TTC8: variants seen among roughly 807,000 people sequenced by gnomAD.
TTC8 encodes tetratricopeptide repeat protein 8.
TTC8 carries 47 observed loss-of-function variants against 72.5 expected under a neutral mutation model. The observed-to-expected ratio is 0.65, with a 90% CI of 0.51 to 0.83. The LOEUF is 0.83. Among genes scored for constraint, TTC8 ranks in the 40% least tolerant of loss-of-function variants. TTC8 has a pLI of 0.00. For missense variants in TTC8, 611 were observed against 623.2 expected (o/e 0.98, Z 0.21); for synonymous variants, 199 against 221.4 (o/e 0.90, Z 0.90).
chr14:88,846,601 CATCTTG>C, intron 7 of TTC8: 3 of 1,432,682 alleles, frequency 2.1e-6, no homozygotes, highest in Non-Finnish European at 2.8e-6. Context: ...TTAATAGATT[CATCTTG>C]AAGATGTAGT....
At chr14:88,876,362 C>A (rs1330770907) in intron 14 of TTC8, among the ~76,000 whole-genome samples, 1 of 152,116 alleles carries the variant, frequency 6.6e-6, no homozygotes, top group East Asian at 1.9e-4. Context: ...TGTATTGTTA[C>A]CAGAAATCTA....
Position 88,875,049 on chromosome 14 carries a change from A to G in TTC8, c.1371A>G (p.Ala457=). 1 of 1,612,828 alleles carries G rather than the reference A, an allele frequency of 6.2e-7. No homozygotes were observed. The highest frequency in any genetic ancestry group is 8.5e-7 in the Non-Finnish European group (1 of 1,179,598). The change falls in exon 14 of 15, where the codon GCA becomes GCG. Residue 457 remains alanine, a synonymous_variant. Transcript: ENST00000380656. ...AGGCAAGGGCACTATTACAAACTGCATCATCATTAGCACCCCATATGTATG... is the reference window on the plus strand; with the variant it reads ...AGGCAAGGGCACTATTACAAACTGCGTCATCATTAGCACCCCATATGTATG... ...VEQARALLQT[A]SSLAPHMYEP...
intron 2 of TTC8, among the ~76,000 whole-genome samples, chr14:88,836,456 A>AT (rs1378229124): frequency 1.3e-5 from 2 of 150,950 alleles, no homozygotes; most frequent in Non-Finnish European, 2.9e-5. Flanking sequence ...GCACCACTAC[A>AT]TTCCAGCCTG....
intron 10 of TTC8, among the ~76,000 whole-genome samples, chr14:88,861,611 CT>C (rs1356099377): frequency 6.6e-6 from 1 of 152,034 alleles, no homozygotes; most frequent in African/African-American, 2.4e-5. Context: ...TTTTGTACCC[CT>C]TAACCAACTT....
intron 1 of TTC8, among the ~76,000 whole-genome samples, chr14:88,825,431 G>C (rs764471205): frequency 3.9e-5 from 6 of 152,184 alleles, no homozygotes; most frequent in Non-Finnish European, 5.9e-5. Flanking sequence ...TTGTAGGAGG[G>C]AGAAATGGGA....
rs1203683732 is a variant in TTC8, at chr14:88,871,851, A to G, written c.1224+128A>G. ...AGGATTGCTTGAGCCCAGGAGTTTGAGACCACCCTGGGCAACATAGTGGGA... is the reference window on the plus strand; with the variant it reads ...AGGATTGCTTGAGCCCAGGAGTTTGGGACCACCCTGGGCAACATAGTGGGA... On this transcript the variant is annotated intron_variant, in intron 12 of 14. Transcript: ENST00000380656. This position sits in a 1 kb window ranked among gnomAD's most constrained non-coding sequence, Gnocchi z 4.1. 9.4e-7 allele frequency: 1 copy of G among 1,069,030 alleles called. No individual in the cohort carries two copies. The highest frequency in any genetic ancestry group is 1.4e-6 in the Non-Finnish European group (1 of 704,048). 66.2% of individuals were successfully genotyped at this position (1,069,030 alleles called of 1,614,324 possible). A position where few individuals can be genotyped will look rare whatever the true frequency, so the allele number is the denominator to read the frequency against.
Position 88,871,146 on chromosome 14 carries a change from G to A in TTC8, c.1050-403G>A, listed in dbSNP as rs1190870650. On this transcript the variant is annotated intron_variant, in intron 11 of 14. Transcript: ENST00000380656. This position sits in a 1 kb window ranked among gnomAD's most constrained non-coding sequence, Gnocchi z 4.1. The stretch of plus-strand genomic sequence containing the variant: ...AGCCAAAAACGGGATCCAGTCAGCT[G>A]AAAACGTAGAGGTTAATGCTAAACG... Among the ~76,000 whole-genome samples, 1 of 152,230 alleles carries A rather than the reference G, an allele frequency of 6.6e-6. No individual in the cohort carries two copies. The highest frequency in any genetic ancestry group is 2.4e-5 in the African/African-American group (1 of 41,464).
rs571571526 is a variant in TTC8, at chr14:88,877,404, G to A, written c.1542G>A (p.Met514Ile). The change falls in exon 15 of 15, where the codon ATG (methionine) becomes ATA (isoleucine). Residue 514 changes from methionine to isoleucine, a missense_variant. Physicochemically the swap from Met to Ile is conservative, Grantham distance 10 (BLOSUM62 1). Transcript: ENST00000380656. The part of the protein sequence containing the change: ...LIKQLRQHFA[M>I]L ...AACAATTAAGGCAGCATTTTGCTAT[G>A]CTCTGATTGTTCCTTAGACCACATA... is the stretch of plus-strand genomic sequence containing the variant. 2.4e-5 allele frequency: 39 copies of A among 1,612,650 alleles called. No homozygotes were observed. Among genetic ancestry groups the A allele is most frequent in the Non-Finnish European group, 3.1e-5 (37 of 1,178,796 alleles).
chr14:88,837,100 A>G (rs916654020), intron 2 of TTC8: 21 of 236,412 alleles, frequency 8.9e-5, no homozygotes, highest in African/African-American at 5.0e-4. Flanking sequence ...AACTTGATTT[A>G]GGTAGGACTC....
intron 10 of TTC8, among the ~76,000 whole-genome samples, chr14:88,867,894 G>T (rs2094918157): frequency 1.3e-5 from 2 of 152,124 alleles, no homozygotes; most frequent in Non-Finnish European, 1.5e-5. Flanking sequence ...CTTTGAAAAA[G>T]AATTTCAAAT....
intron 14 of TTC8, 38 bp downstream of exon 14, chr14:88,875,147 T>C: frequency 6.6e-7 from 1 of 1,515,586 alleles, no homozygotes. Context: ...TCTGATCTGT[T>C]CTTTTTTTTT....
At chr14:88,843,456 C>G (rs1006026092) in intron 6 of TTC8, among the ~76,000 whole-genome samples, 4 of 152,042 alleles carry the variant, frequency 2.6e-5, no homozygotes, top group Non-Finnish European at 4.4e-5. Flanking sequence ...TTTTTTATGT[C>G]TAAATTATCA....
At chr14:88,847,414 C>T (rs889803329) in intron 7 of TTC8, among the ~76,000 whole-genome samples, 3 of 152,154 alleles carry the variant, frequency 2.0e-5, no homozygotes, top group Admixed American at 2.0e-4. Flanking sequence ...ATCTCATTAA[C>T]ACGGAGGTGA....
At chr14:88,878,879 A>G (rs891201942), downstream of TTC8, 1 of 152,152 alleles carries the variant, frequency 6.6e-6, no homozygotes, top group Admixed American at 6.5e-5. Context: ...CATTTTACTT[A>G]TGAGAATACT....
At chr14:88,870,571 G>A (rs2094929575) in intron 11 of TTC8, among the ~76,000 whole-genome samples, 1 of 152,140 alleles carries the variant, frequency 6.6e-6, no homozygotes. Context: ...TTTGCAAAGA[G>A]CATTTGGCCT....
chr14:88,833,565 A>G (rs1314132327), intron 1 of TTC8, 128 bp from the exon 2 acceptor site: 1 of 770,932 alleles, frequency 1.3e-6, no homozygotes, highest in Non-Finnish European at 2.2e-6. Context: ...GGAAGACTAA[A>G]GTTAATTTTT....
chr14:88,831,665 T>A (rs1566830980), intron 1 of TTC8, among the ~76,000 whole-genome samples: 2 of 152,228 alleles, frequency 1.3e-5, no homozygotes, highest in Non-Finnish European at 2.9e-5. Flanking sequence ...ATAAAAAATG[T>A]TAGCTGCTGT....
intron 1 of TTC8, among the ~76,000 whole-genome samples, chr14:88,827,053 C>T (rs1334693375): frequency 6.6e-6 from 1 of 151,610 alleles, no homozygotes; most frequent in African/African-American, 2.4e-5. Flanking sequence ...GGGAAAGGGT[C>T]AGATATCTTC....
chr14:88,872,185 T>A, intron 12 of TTC8, 145 bp from the exon 13 acceptor site: 2 of 1,226,312 alleles, frequency 1.6e-6, no homozygotes, highest in South Asian at 2.6e-5. Flanking sequence ...TTAGGTTAAA[T>A]CCACTTACGT....
Sources: gnomAD v4.1 joint callset for allele counts (sites outside exome capture counted in the v4.1 genomes callset) on GRCh38, gnomAD v4.1.1 for gene constraint, Gnocchi (gnomAD v3.1) non-coding constraint, MANE v1.5 for transcripts, NCBI Gene and HGNC (gene_info 2026-07-23, HGNC 2026-07-21) for gene names.